The following PSMD1 variants were observed in gnomAD, a reference collection of about 807,000 sequenced individuals.
The protein encoded by PSMD1 is 26S proteasome non-ATPase regulatory subunit 1.
PSMD1 carries 18 observed loss-of-function variants against 119.0 expected under a neutral mutation model. The ratio of observed to expected loss-of-function variants is 0.15; its 90% CI spans 0.10 to 0.22. PSMD1 has a LOEUF of 0.22. Among genes scored for constraint, PSMD1 ranks in the 10% least tolerant of loss-of-function variants. The pLI is 1.00. For synonymous variants in PSMD1, 374 were observed against 396.6 expected (o/e 0.94, Z 0.68); for missense variants, 702 against 1,158.5 (o/e 0.61, Z 5.72).
Position 231,061,260 on chromosome 2 carries a change from C to T in PSMD1, c.17-7C>T. On this transcript the variant is annotated splice_polypyrimidine_tract_variant and splice_region_variant and intron_variant, in intron 1 of 24. Coordinates refer to ENST00000308696, the MANE Select transcript of PSMD1 (RefSeq NM_002807.4). Reference sequence around the variant, plus strand: ...TTCATAATCATGTTACATCTTTTTTCTCATAGCTGGAATTATTTCTCTTCT... The same window carrying T: ...TTCATAATCATGTTACATCTTTTTTTTCATAGCTGGAATTATTTCTCTTCT... 1 of 1,582,794 alleles carries T rather than the reference C, an allele frequency of 6.3e-7. No homozygotes were observed. The highest frequency in any genetic ancestry group is 1.4e-5 in the African/African-American group (1 of 73,868).
At chr2:231,166,068 T>C (rs1232366282) in intron 23 of PSMD1, 51 bp downstream of exon 23, 22 of 1,462,534 alleles carry the variant, frequency 1.5e-5, no homozygotes, top group African/African-American at 2.8e-5. Context: ...TATTAATCCA[T>C]AGGACAATAG....
chr2:231,153,776 C>A, intron 19 of PSMD1, 110 bp downstream of exon 19: 1 of 787,508 alleles, frequency 1.3e-6, no homozygotes, highest in Non-Finnish European at 2.0e-6. Flanking sequence ...GCAAATTATT[C>A]CTGGAGAAAA....
chr2:231,097,262 G>A (rs1186572991), intron 16 of PSMD1, among the ~76,000 whole-genome samples: 4 of 152,156 alleles, frequency 2.6e-5, no homozygotes, highest in East Asian at 3.9e-4. Context: ...TACCTATTAC[G>A]GCAGTGAGGG....
At chr2:231,116,321 C>T (rs539443070) in intron 16 of PSMD1, among the ~76,000 whole-genome samples, 1 of 152,180 alleles carries the variant, frequency 6.6e-6, no homozygotes, top group South Asian at 2.1e-4. Flanking sequence ...TAGGAAAATA[C>T]TCGTCTAGAG....
intron 5 of PSMD1, among the ~76,000 whole-genome samples, chr2:231,067,779 C>A (rs1693943462): frequency 1.3e-5 from 2 of 152,106 alleles, no homozygotes; most frequent in Admixed American, 1.3e-4. Flanking sequence ...ATCTCAGCTT[C>A]CTGAATAGCT....
chr2:231,135,122 G>C (rs552228067), intron 16 of PSMD1, among the ~76,000 whole-genome samples: 3 of 152,154 alleles, frequency 2.0e-5, no homozygotes, highest in Non-Finnish European at 4.4e-5. Context: ...GATGATTTGG[G>C]TATCAAATTA....
chr2:231,067,689 C>T (rs1010273175), intron 5 of PSMD1, among the ~76,000 whole-genome samples: 2 of 151,988 alleles, frequency 1.3e-5, no homozygotes, highest in Non-Finnish European at 2.9e-5. Flanking sequence ...TGGAGTCTCG[C>T]TCTGTCAACC....
At position 231,078,755 on chromosome 2, in the gene PSMD1, T is replaced by C; in HGVS notation, c.1160+8T>C. 6.5e-7 allele frequency: 1 copy of C among 1,540,296 alleles called. No individual in the cohort carries two copies. The highest frequency in any genetic ancestry group is 1.4e-5 in the African/African-American group (1 of 71,266). On this transcript the variant is annotated splice_region_variant and intron_variant, in intron 10 of 24. Transcript: ENST00000308696. ...CAGTGACCAGTTTCTTAGGTAAATA[T>C]GCTTGTTGATTTTCACTTTGGTTCA...
chr2:231,151,028 G>A (rs1383800311), intron 18 of PSMD1, among the ~76,000 whole-genome samples: 2 of 152,168 alleles, frequency 1.3e-5, no homozygotes, highest in African/African-American at 4.8e-5. Context: ...GCAGCTTTTT[G>A]AGAAGGTAGA....
At chr2:231,082,348 G>A (rs1297911368) in intron 12 of PSMD1, among the ~76,000 whole-genome samples, 2 of 152,186 alleles carry the variant, frequency 1.3e-5, no homozygotes, top group East Asian at 3.9e-4. Context: ...TTACAAGCAT[G>A]AGCCACCAGT....
At position 231,138,823 on chromosome 2, in the gene PSMD1, G is replaced by T. The variant is rs1440809618; in HGVS notation, c.1971G>T (p.Gly657=). 5 of 1,614,028 alleles carry T rather than the reference G, an allele frequency of 3.1e-6. No homozygotes were observed. Among genetic ancestry groups the T allele is most frequent in the Non-Finnish European group, 4.2e-6 (5 of 1,179,936 alleles). Residue 657 remains glycine, a synonymous_variant, in exon 17 of 25, where the codon GGG becomes GGT. Coordinates refer to ENST00000308696, the MANE Select transcript of PSMD1 (RefSeq NM_002807.4). ...GCTACGGAGCTGCAATGGCCTTGGG[G>T]ATATGCTGTGCTGGTACAGGAAACA... is the stretch of plus-strand genomic sequence containing the variant. ...HVRYGAAMAL[G]ICCAGTGNKE...
chr2:231,062,643 A>G lies in PSMD1; in HGVS notation c.272A>G (p.Asn91Ser). 1.9e-6 allele frequency: 3 copies of G among 1,611,486 alleles called. No homozygotes were observed. Among genetic ancestry groups the G allele is most frequent in the South Asian group, 1.1e-5 (1 of 90,690 alleles). ...ALGAGDLFNV[N>S]DNSEYVETII... ...GGAGCAGGGGACCTCTTCAATGTCA[A>G]TGATAACTCTGAATATGTGGAAACT... The change falls in exon 4 of 25, where the codon AAT (asparagine) becomes AGT (serine). Residue 91 changes from asparagine (N) to serine (S), a missense_variant. This residue lies in a region of PSMD1 where 60 missense variants were observed against 118.2 expected (regional missense o/e 0.51). Coordinates refer to ENST00000308696, the MANE Select transcript of PSMD1 (RefSeq NM_002807.4).
At chr2:231,165,045 TA>T (rs1696738906) in intron 21 of PSMD1, 154 bp from the exon 22 acceptor site, 1 of 14,824 alleles carries the variant, frequency 6.7e-5, no homozygotes, top group Non-Finnish European at 1.0e-4. Context: ...TATATATATA[TA>T]TATATATATA....
chr2:231,071,586 G>A (rs1444726687), intron 6 of PSMD1, among the ~76,000 whole-genome samples: 1 of 151,618 alleles, frequency 6.6e-6, no homozygotes, highest in Non-Finnish European at 1.5e-5. Flanking sequence ...GTGTTATTTC[G>A]TGTTCTTAAT....
At position 231,170,552 on chromosome 2, in the gene PSMD1, C is replaced by T. The variant is rs201122305; in HGVS notation, c.2716-14C>T. On this transcript the variant is annotated splice_polypyrimidine_tract_variant and intron_variant, in intron 23 of 24. Coordinates refer to ENST00000308696, the MANE Select transcript of PSMD1 (RefSeq NM_002807.4). This position sits in a 1 kb window ranked among gnomAD's most constrained non-coding sequence, Gnocchi z 4.1. Reference sequence around the variant, plus strand: ...AATATGAGTGTACGCTTCTGCACGCCCCTGTGTTTCCAGCTCTCTATTGGA... The same window carrying T: ...AATATGAGTGTACGCTTCTGCACGCTCCTGTGTTTCCAGCTCTCTATTGGA... The T allele has an allele frequency of 6.2e-7, 1 of 1,604,526 alleles. No individual in the cohort carries two copies. The highest frequency in any genetic ancestry group is 8.5e-7 in the Non-Finnish European group (1 of 1,176,358).
intron 16 of PSMD1, among the ~76,000 whole-genome samples, chr2:231,112,717 A>G (rs1695194629): frequency 6.6e-6 from 1 of 152,176 alleles, no homozygotes; most frequent in African/African-American, 2.4e-5. Context: ...GTTTTGAATG[A>G]TTTACGCATA....
chr2:231,079,600 G>C lies in PSMD1; in HGVS notation c.1225G>C (p.Gly409Arg). The C allele has an allele frequency of 6.2e-7, 1 of 1,604,872 alleles. No individual in the cohort carries two copies. The highest frequency in any genetic ancestry group is 8.5e-7 in the Non-Finnish European group (1 of 1,174,472). Residue 409 changes from glycine to arginine, a missense_variant, in exon 11 of 25, where the codon GGT (glycine) becomes CGT (arginine). Transcript: ENST00000308696. ...WAKFTATASL[G>R]VIHKGHEKEA... is the part of the protein sequence containing the mutation. The stretch of plus-strand genomic sequence containing the variant: ...AAAATTTACTGCTACAGCCAGTTTG[G>C]GTGTAATTCATAAGGTAATATATAT...
intron 1 of PSMD1, among the ~76,000 whole-genome samples, chr2:231,057,457 C>G (rs1693630617): frequency 6.6e-6 from 1 of 152,236 alleles, no homozygotes; most frequent in African/African-American, 2.4e-5. Flanking sequence ...CCCCCCTGAT[C>G]GGGCAGCCTA....
At chr2:231,075,475 C>A (rs1250468563) in intron 7 of PSMD1, 36 bp from the exon 8 acceptor site, 2 of 1,594,206 alleles carry the variant, frequency 1.3e-6, no homozygotes. Flanking sequence ...AATTGTACTT[C>A]TCTTCAGAAA....
Sources: allele counts gnomAD v4.1 joint callset (sites outside exome capture counted in the v4.1 genomes callset), GRCh38; gene constraint gnomAD v4.1.1; regional missense constraint gnomAD v4.1.1; non-coding constraint Gnocchi (gnomAD v3.1); transcripts MANE v1.5; gene names NCBI Gene and HGNC (gene_info 2026-07-23, HGNC 2026-07-21).